Variants in EMP3 observed in about 807,000 individuals in gnomAD.
EMP3 encodes epithelial membrane protein 3 (MAM blood group).
Under a neutral mutation model 21.6 loss-of-function variants are expected in EMP3, and 15 were observed. That is an observed-to-expected ratio of 0.69 (90% CI 0.46 to 1.07). The LOEUF (loss-of-function observed/expected upper bound fraction) is 1.07, where lower values mean the gene tolerates loss of function less well. EMP3 is among the 50% of genes least tolerant of loss of function. EMP3 has a pLI of 0.00. For missense variants in EMP3, 183 were observed against 206.6 expected, an observed-to-expected ratio of 0.89 and a Z score of 0.70; for synonymous variants, 107 against 86.1, an observed-to-expected ratio of 1.24 and a Z score of -1.34.
At chr19:48,326,976 G>T in intron 2 of EMP3, 54 bp downstream of exon 2, 2 of 1,490,588 alleles carry the variant, frequency 1.3e-6, no homozygotes, top group East Asian at 2.3e-5. Context: ...ATCTTGCCAC[G>T]CCCCTCCTCT....
Position 48,327,601 on chromosome 19 carries a change from C to G in EMP3, c.159C>G (p.Ala53=). ...GGAACAACGACACCAAAACATGGGC[C>G]TGCAGTAATGTCAGCGAGAATGGTG... ...CTWNNDTKTW[A]CSNVSENGWL... Residue 53 remains alanine, a synonymous_variant, in exon 3 of 5, where the codon GCC becomes GCG. Transcript: ENST00000270221. The G allele has an allele frequency of 1.2e-6, 2 of 1,613,928 alleles. No individual in the cohort carries two copies. The highest frequency in any genetic ancestry group is 1.7e-6 in the Non-Finnish European group (2 of 1,179,956).
In EMP3 at chr19:48,327,616, C is replaced by T. The variant is rs1199207615; in HGVS notation, c.174C>T (p.Ser58=). The T allele has an allele frequency of 6.2e-6, 10 of 1,613,422 alleles. No homozygotes were observed. Among genetic ancestry groups the T allele is most frequent in the East Asian group, 2.2e-5 (1 of 44,886 alleles). ...DTKTWACSNV[S]ENGWLKAVQV... ...AAACATGGGCCTGCAGTAATGTCAG[C>T]GAGAATGGTGAGGGGTGAGGGCGGC... The change falls in exon 3 of 5, where the codon AGC becomes AGT. Residue 58 remains serine, a synonymous_variant. Transcript: ENST00000270221.
In EMP3 at chr19:48,330,355, T is replaced by C. The variant is rs770017723; in HGVS notation, c.377T>C (p.Leu126Pro). Residue 126 changes from leucine to proline, a missense_variant, in exon 5 of 5, where the codon CTG (leucine) becomes CCG (proline). Coordinates refer to ENST00000270221, the MANE Select transcript of EMP3 (RefSeq NM_001425.3). ...LIYAIHAEEI[L>P]EKHPRGGSFG... ...TATGCCATTCACGCCGAGGAGATCC[T>C]GGAGAAGCACCCGCGAGGGGGCAGC... is the stretch of plus-strand genomic sequence containing the variant. 4 of 1,607,650 alleles carry C rather than the reference T, an allele frequency of 2.5e-6. No individual in the cohort carries two copies. In the East Asian group the frequency reaches 9.1e-5, roughly 37 times the overall value.
rs1235794225 is a variant in EMP3 at position 48,329,687 on chromosome 19, TG to T, written c.322+197del. Among the ~76,000 whole-genome samples the T allele has an allele frequency of 3.9e-5, 6 of 152,108 alleles. No homozygotes were observed. ...GATTGCTGGGACTTGTAGTTTTCAG[TG>T]GCTAATGATAGTTATGGCTTGTGCG... On this transcript the variant is annotated intron_variant, in intron 4 of 4. Transcript: ENST00000270221. The surrounding 1 kb of genome is among the most constrained non-coding windows in gnomAD (Gnocchi z 4.5).
At chr19:48,326,780 C>T in intron 1 of EMP3, 50 bp from the exon 2 acceptor site, 4 of 1,517,600 alleles carry the variant, frequency 2.6e-6, no homozygotes, top group Non-Finnish European at 3.7e-6. Flanking sequence ...GTGAGTGTGC[C>T]TGGCCTGTGC....
chr19:48,328,899 A>G (rs1969165693), intron 3 of EMP3, among the ~76,000 whole-genome samples: 1 of 152,146 alleles, frequency 6.6e-6, no homozygotes, highest in Non-Finnish European at 1.5e-5. Context: ...AGGAGGAAGG[A>G]TCACTTAAGC....
intron 2 of EMP3, 70 bp downstream of exon 2, chr19:48,326,992 C>A: frequency 1.5e-6 from 2 of 1,291,798 alleles, no homozygotes; most frequent in Non-Finnish European, 2.3e-6. Flanking sequence ...CCTCTAAAGG[C>A]ATTCTGGCCC....
chr19:48,327,397 C>T (rs1012857443), intron 2 of EMP3, 124 bp from the exon 3 acceptor site: 2 of 686,236 alleles, frequency 2.9e-6, no homozygotes, highest in African/African-American at 3.5e-5. Context: ...TAAATCCTAA[C>T]TCTCCCCAGT....
intron 2 of EMP3, 48 bp from the exon 3 acceptor site, chr19:48,327,473 C>A: frequency 6.9e-7 from 1 of 1,443,314 alleles, no homozygotes; most frequent in Non-Finnish European, 9.6e-7. Flanking sequence ...ACCCTATCCC[C>A]TCTCCTTTCC....
At position 48,329,498 on chromosome 19, in the gene EMP3, C is replaced by T; in HGVS notation, c.322+6C>T. The T allele has an allele frequency of 1.2e-6, 2 of 1,614,022 alleles. No individual in the cohort carries two copies. Among genetic ancestry groups the T allele is most frequent in the Non-Finnish European group, 8.5e-7 (1 of 1,179,920 alleles). On this transcript the variant is annotated splice_donor_region_variant and intron_variant, in intron 4 of 4. Transcript: ENST00000270221. The surrounding 1 kb of genome is among the most constrained non-coding windows in gnomAD (Gnocchi z 4.5). ...CCTCTGCCAGCTTTGCACCAGTGAG[C>T]ACTGCCCCTCCCCAACCCTAATCCC...
At chr19:48,328,927 G>C (rs568524970) in intron 3 of EMP3, among the ~76,000 whole-genome samples, 2 of 152,266 alleles carry the variant, frequency 1.3e-5, no homozygotes, top group South Asian at 4.1e-4. Flanking sequence ...TTCAAGACCA[G>C]CCTGGACAAC....
In EMP3 at chr19:48,326,819, C is replaced by G. The variant is rs188356901; in HGVS notation, c.-15-11C>G. The G allele has an allele frequency of 5.7e-3, 9,194 of 1,611,822 alleles. 60 individuals are homozygous for G. The highest frequency in any genetic ancestry group is 0.014 in the South Asian group (1,304 of 91,022). ...CCTCTTGAGACTCCGTCCCCTGCTC[C>G]CCCTCCCCAGGCTTCCACTGCAGCC... On this transcript the variant is annotated splice_polypyrimidine_tract_variant and intron_variant, in intron 1 of 4. Transcript: ENST00000270221.
chr19:48,329,373 T>A lies in EMP3; in HGVS notation c.203T>A (p.Val68Asp), dbSNP rs1255690939. 6.2e-7 allele frequency: 1 copy of A among 1,613,976 alleles called. No homozygotes were observed. The highest frequency in any genetic ancestry group is 8.5e-7 in the Non-Finnish European group (1 of 1,180,016). The change falls in exon 4 of 5, where the codon GTC (valine) becomes GAC (aspartate). Residue 68 changes from valine to aspartate, a missense_variant. Transcript: ENST00000270221. The surrounding 1 kb of genome is among the most constrained non-coding windows in gnomAD (Gnocchi z 4.5). ...GCAGGCTGGCTGAAGGCGGTGCAGG[T>A]CCTCATGGTGCTCTCCCTCATTCTC... is the stretch of plus-strand genomic sequence containing the variant. ...SENGWLKAVQ[V>D]LMVLSLILCC...
Position 48,326,940 on chromosome 19 carries a change from T to A in EMP3, c.78+18T>A. On this transcript the variant is annotated intron_variant, in intron 2 of 4. Coordinates refer to ENST00000270221, the MANE Select transcript of EMP3 (RefSeq NM_001425.3). ...TGGACAAGGTAAGCCTACTTGGAGCTCAGGGCCCTTCTGTTCCCCTTTGGA... is the reference window on the plus strand; with the variant it reads ...TGGACAAGGTAAGCCTACTTGGAGCACAGGGCCCTTCTGTTCCCCTTTGGA... The A allele has an allele frequency of 6.2e-7, 1 of 1,609,052 alleles. No homozygotes were observed. Among genetic ancestry groups the A allele is most frequent in the African/African-American group, 1.3e-5 (1 of 74,890 alleles).
chr19:48,327,000 C>T (rs1969133537), intron 2 of EMP3, 78 bp downstream of exon 2: 6 of 1,209,230 alleles, frequency 5.0e-6, no homozygotes, highest in Admixed American at 1.7e-5. Context: ...GGCATTCTGG[C>T]CCCACCCCCT....
At chr19:48,327,354 T>G (rs1035389238) in intron 2 of EMP3, among the ~76,000 whole-genome samples, 167 bp from the exon 3 acceptor site, 1 of 151,954 alleles carries the variant, frequency 6.6e-6, no homozygotes, top group Non-Finnish European at 1.5e-5. Flanking sequence ...CTCCGATGCC[T>G]CCTCCCTGTC....
At position 48,329,580 on chromosome 19, in the gene EMP3, G is replaced by C. The variant is rs1969175775; in HGVS notation, c.322+88G>C. 1.3e-6 allele frequency: 2 copies of C among 1,536,570 alleles called. No homozygotes were observed. The highest frequency in any genetic ancestry group is 1.8e-6 in the Non-Finnish European group (2 of 1,135,742). ...TCAAGATGCTGGGGGCCCTGAGAAT[G>C]GGCCTCTCGTAGAAAAAAACAACTT... On this transcript the variant is annotated intron_variant, in intron 4 of 4. Transcript: ENST00000270221. This position sits in a 1 kb window ranked among gnomAD's most constrained non-coding sequence, Gnocchi z 4.5.
At chr19:48,328,917 T>A (rs548626172) in intron 3 of EMP3, among the ~76,000 whole-genome samples, 1 of 150,982 alleles carries the variant, frequency 6.6e-6, no homozygotes, top group African/African-American at 2.4e-5. Flanking sequence ...AGCCCAGGAG[T>A]TCAAGACCAG....
chr19:48,327,438 C>T (rs550491958), intron 2 of EMP3, 83 bp from the exon 3 acceptor site: 369 of 1,013,434 alleles, frequency 3.6e-4, no homozygotes, highest in Middle Eastern at 2.0e-4. Context: ...CTGCCCTTTT[C>T]CCAGCCCTTC....
Sources: allele counts gnomAD v4.1 joint callset (sites outside exome capture counted in the v4.1 genomes callset), GRCh38; gene constraint gnomAD v4.1.1; non-coding constraint Gnocchi (gnomAD v3.1); transcripts MANE v1.5; gene names NCBI Gene and HGNC (gene_info 2026-07-23, HGNC 2026-07-21).